Variants in ANKMY2 observed in about 807,000 individuals in gnomAD.
The protein encoded by ANKMY2 is ankyrin repeat and MYND domain-containing protein 2.
A neutral mutation model predicts 50.4 loss-of-function variants in ANKMY2; 36 were observed. That is an observed-to-expected ratio of 0.71 (90% CI 0.55 to 0.94). ANKMY2 has a LOEUF of 0.94. Among genes scored for constraint, ANKMY2 ranks in the 40% least tolerant of loss-of-function variants. The pLI is 0.00. For synonymous variants in ANKMY2, 187 were observed against 178.8 expected, an observed-to-expected ratio of 1.05 and a Z score of -0.36; for missense variants, 565 against 524.0, an observed-to-expected ratio of 1.08 and a Z score of -0.76.
intron 7 of ANKMY2, among the ~76,000 whole-genome samples, chr7:16,606,539 A>G (rs1781164816): frequency 6.6e-6 from 1 of 152,162 alleles, no homozygotes; most frequent in Non-Finnish European, 1.5e-5. Flanking sequence ...CCTACTCCTA[A>G]TAGTTCTTTG....
In ANKMY2 at chr7:16,645,528, G is replaced by A. The variant is rs757837562; in HGVS notation, c.46C>T (p.Leu16=). 1.4e-5 allele frequency: 22 copies of A among 1,611,782 alleles called. No homozygotes were observed. The highest frequency in any genetic ancestry group is 1.9e-5 in the Non-Finnish European group (22 of 1,178,910). ...GTACCTTTCCCGATGACTTCCAGTA[G>A]CTCCTTCTCCTCCTGGGTCAGCTCG... ...KGELTQEEKE[L]LEVIGKGTVQ... The change falls in exon 1 of 10, where the codon CTA becomes TTA. Residue 16 remains leucine (L), a synonymous_variant. Coordinates refer to ENST00000306999, the MANE Select transcript of ANKMY2 (RefSeq NM_020319.3).
At chr7:16,615,598 A>G (rs143129422) in intron 5 of ANKMY2, 146 bp downstream of exon 5, 1 of 965,546 alleles carries the variant, frequency 1.0e-6, no homozygotes, top group East Asian at 2.7e-5. Flanking sequence ...GTGTTCCTTC[A>G]ATAAATTAAC....
chr7:16,636,968 A>G (rs1197748073), intron 1 of ANKMY2, among the ~76,000 whole-genome samples: 1 of 152,238 alleles, frequency 6.6e-6, no homozygotes, highest in Non-Finnish European at 1.5e-5. Context: ...GTACTACATT[A>G]CAGTGCTCTA....
At chr7:16,609,270 A>T (rs182061469) in intron 7 of ANKMY2, among the ~76,000 whole-genome samples, 19 of 152,290 alleles carry the variant, frequency 1.2e-4, no homozygotes, top group African/African-American at 4.6e-4. Context: ...TGATCAATTC[A>T]TACTTGCATC....
At chr7:16,605,924 C>A (rs1309385321) in intron 7 of ANKMY2, among the ~76,000 whole-genome samples, 2 of 151,930 alleles carry the variant, frequency 1.3e-5, no homozygotes, top group African/African-American at 4.8e-5. Flanking sequence ...ACCTTGTGAT[C>A]TGCCTGCCTT....
intron 1 of ANKMY2, among the ~76,000 whole-genome samples, chr7:16,638,546 A>G (rs1395345772): frequency 1.3e-5 from 2 of 152,226 alleles, no homozygotes; most frequent in Non-Finnish European, 2.9e-5. Flanking sequence ...GAGTTCAGCA[A>G]TCTGGAAGCT....
chr7:16,608,566 T>G (rs1781196095), intron 7 of ANKMY2, among the ~76,000 whole-genome samples: 1 of 152,148 alleles, frequency 6.6e-6, no homozygotes, highest in Non-Finnish European at 1.5e-5. Context: ...GAACCAGATT[T>G]GCCAGAGGGA....
In ANKMY2 at chr7:16,602,311, T is replaced by C. The variant is rs1032049218; in HGVS notation, c.1141+69A>G. 89 of 1,544,616 alleles carry C rather than the reference T, an allele frequency of 5.8e-5. No homozygotes were observed. In the African/African-American group the frequency reaches 1.2e-3, roughly 20 times the overall value. On this transcript the variant is annotated intron_variant, in intron 9 of 9. Coordinates refer to ENST00000306999, the MANE Select transcript of ANKMY2 (RefSeq NM_020319.3). ...GCTTCCAGAGAAGACGCAGTTTCAG[T>C]GTGTTAAGATCACCTATCATCTCTC...
chr7:16,607,017 G>A (rs571612318), intron 7 of ANKMY2, among the ~76,000 whole-genome samples: 3 of 152,104 alleles, frequency 2.0e-5, no homozygotes, highest in Non-Finnish European at 4.4e-5. Flanking sequence ...GAGAACCATC[G>A]TATGCGGGGA....
chr7:16,602,834 G>C (rs996821777), intron 8 of ANKMY2, among the ~76,000 whole-genome samples: 13 of 152,166 alleles, frequency 8.5e-5, no homozygotes, highest in Admixed American at 5.2e-4. Flanking sequence ...AAAGTATGTG[G>C]CAACTCCCCC....
chr7:16,625,148 A>G (rs968520071), intron 3 of ANKMY2, 67 bp from the exon 4 acceptor site: 2 of 1,231,640 alleles, frequency 1.6e-6, no homozygotes, highest in South Asian at 2.5e-5. Flanking sequence ...CCCTTTCTAA[A>G]CTCTCTATAC....
At chr7:16,615,997 A>G in intron 4 of ANKMY2, 93 bp from the exon 5 acceptor site, 1 of 1,196,578 alleles carries the variant, frequency 8.4e-7, no homozygotes, top group South Asian at 1.6e-5. Context: ...TTTGTGATGT[A>G]AACATGCACC....
intron 2 of ANKMY2, among the ~76,000 whole-genome samples, chr7:16,634,454 G>A (rs775704200): frequency 1.4e-4 from 21 of 152,190 alleles, no homozygotes; most frequent in Non-Finnish European, 2.6e-4. Context: ...AGGCGATGGA[G>A]TTGAGCATCC....
At chr7:16,622,389 C>T (rs1399559005) in intron 4 of ANKMY2, among the ~76,000 whole-genome samples, 1 of 152,118 alleles carries the variant, frequency 6.6e-6, no homozygotes, top group Non-Finnish European at 1.5e-5. Context: ...ATACTCAGCT[C>T]TGATGAGGAT....
At chr7:16,640,090 C>CAGG (rs940547337) in intron 1 of ANKMY2, among the ~76,000 whole-genome samples, 9 of 152,032 alleles carry the variant, frequency 5.9e-5, no homozygotes, top group Non-Finnish European at 1.2e-4. Flanking sequence ...TGCTTGAACC[C>CAGG]AGGAGGAGGA....
At chr7:16,633,740 A>G (rs1344772218) in intron 2 of ANKMY2, among the ~76,000 whole-genome samples, 1 of 152,150 alleles carries the variant, frequency 6.6e-6, no homozygotes, top group East Asian at 1.9e-4. Context: ...TTTTCTGCTA[A>G]TATACAGTCC....
intron 7 of ANKMY2, among the ~76,000 whole-genome samples, chr7:16,605,715 C>G (rs1391647897): frequency 7.1e-6 from 1 of 141,168 alleles, no homozygotes; most frequent in African/African-American, 2.7e-5. Flanking sequence ...CGGAGCCTCG[C>G]TCTGTCGCCC....
At chr7:16,603,643 A>C in intron 8 of ANKMY2, 1 of 471,130 alleles carries the variant, frequency 2.1e-6, no homozygotes, top group South Asian at 1.5e-5. Flanking sequence ...TTCTCACATG[A>C]TTTCAAAGTT....
chr7:16,613,985 A>G (rs1001808591), intron 5 of ANKMY2, among the ~76,000 whole-genome samples: 1 of 152,138 alleles, frequency 6.6e-6, no homozygotes, highest in Non-Finnish European at 1.5e-5. Flanking sequence ...AAACATAGAT[A>G]TGAAAGACAG....
Sources: gnomAD v4.1 joint callset for allele counts (sites outside exome capture counted in the v4.1 genomes callset) on GRCh38, gnomAD v4.1.1 for gene constraint, MANE v1.5 for transcripts, NCBI Gene and HGNC (gene_info 2026-07-23, HGNC 2026-07-21) for gene names.